GRIN2A: variants seen among roughly 807,000 people sequenced by gnomAD.
The protein encoded by GRIN2A is glutamate ionotropic receptor NMDA type subunit 2A, also known as glutamate receptor ionotropic, NMDA 2A.
In GRIN2A, 22 loss-of-function variants were observed where a neutral mutation model predicts 113.4. The observed-to-expected ratio is 0.19, with a 90% CI of 0.14 to 0.28. The LOEUF is 0.28. Among genes scored for constraint, GRIN2A ranks in the 10% least tolerant of loss-of-function variants. GRIN2A has a pLI of 1.00. For synonymous variants in GRIN2A, 827 were observed against 738.4 expected, an observed-to-expected ratio of 1.12 and a Z score of -1.94; for missense variants, 1,502 against 1,887.0, an observed-to-expected ratio of 0.80 and a Z score of 3.78.
At chr16:9,970,658 G>C (rs1474317413) in intron 2 of GRIN2A, 1 of 380,336 alleles carries the variant, frequency 2.6e-6, no homozygotes, top group African/African-American at 2.2e-5. Flanking sequence ...TTTGGTTCAA[G>C]AAATATGTAT....
intron 11 of GRIN2A, among the ~76,000 whole-genome samples, chr16:9,782,568 A>G (rs1158258964): frequency 6.6e-6 from 1 of 152,208 alleles, no homozygotes. Context: ...CAAGCCATTC[A>G]TTATATCTTA....
At chr16:10,130,240 A>C (rs934284749) in intron 2 of GRIN2A, among the ~76,000 whole-genome samples, 1 of 152,250 alleles carries the variant, frequency 6.6e-6, no homozygotes, top group African/African-American at 2.4e-5. Flanking sequence ...ATGGTAAAGC[A>C]AGCTGAATTT....
intron 2 of GRIN2A, among the ~76,000 whole-genome samples, chr16:10,164,264 A>C (rs1373717049): frequency 6.6e-6 from 1 of 152,240 alleles, no homozygotes; most frequent in Non-Finnish European, 1.5e-5. Flanking sequence ...CTCTGTACAG[A>C]ACCTTCCTTG....
At chr16:10,056,071 C>T (rs2047452821) in intron 2 of GRIN2A, among the ~76,000 whole-genome samples, 1 of 152,216 alleles carries the variant, frequency 6.6e-6, no homozygotes, top group Non-Finnish European at 1.5e-5. Flanking sequence ...TGGTAGCAGT[C>T]ATTCCAGTTA....
At position 9,840,737 on chromosome 16, in the gene GRIN2A, C is replaced by T. The variant is rs751136407; in HGVS notation, c.1561G>A (p.Val521Met). Reference protein sequence around the residue: ...SLTINEERSEVVDFSVPFVET... With the variant: ...SLTINEERSEMVDFSVPFVET... ...ACAAAGGGCACAGAGAAGTCCACCA[C>T]TTCAGAACGTTCCTCATTGATGGTG... The change falls in exon 7 of 13, where the codon GTG becomes ATG. Residue 521 changes from valine (V) to methionine (M), a missense_variant. Val to Met is a conservative substitution (Grantham distance 21). Coordinates refer to ENST00000330684, the MANE Select transcript of GRIN2A (RefSeq NM_001134407.3). 6.2e-7 allele frequency: 1 copy of T among 1,610,028 alleles called. No homozygotes were observed. The highest frequency in any genetic ancestry group is 8.5e-7 in the Non-Finnish European group (1 of 1,179,018).
chr16:9,836,764 T>C (rs1285070074), intron 7 of GRIN2A, among the ~76,000 whole-genome samples: 2 of 152,196 alleles, frequency 1.3e-5, no homozygotes, highest in Admixed American at 6.5e-5. Flanking sequence ...ACATCTATAG[T>C]GTCTAAGGAG....
At chr16:10,002,672 G>A (rs975835885) in intron 2 of GRIN2A, among the ~76,000 whole-genome samples, 2 of 152,198 alleles carry the variant, frequency 1.3e-5, no homozygotes, top group African/African-American at 4.8e-5. Context: ...ATCCCAAGGG[G>A]CAATGACTAC....
chr16:10,057,206 C>T (rs1177960529), intron 2 of GRIN2A, among the ~76,000 whole-genome samples: 3 of 152,172 alleles, frequency 2.0e-5, no homozygotes, highest in Non-Finnish European at 4.4e-5. Flanking sequence ...ACAGTAGTAG[C>T]ACGATATTAT....
chr16:9,789,280 G>A (rs896788182), intron 11 of GRIN2A, among the ~76,000 whole-genome samples: 4 of 152,072 alleles, frequency 2.6e-5, no homozygotes, highest in Admixed American at 6.6e-5. Flanking sequence ...TTTCTTGGTC[G>A]CCCTCTTCAT....
At chr16:9,943,052 T>C (rs943666465) in intron 2 of GRIN2A, 2 of 152,224 alleles carry the variant, frequency 1.3e-5, no homozygotes, top group African/African-American at 4.8e-5. Context: ...TGGCGTCCAA[T>C]ATGCCAAATA....
At chr16:10,026,371 G>T (rs907685988) in intron 2 of GRIN2A, among the ~76,000 whole-genome samples, 2 of 152,036 alleles carry the variant, frequency 1.3e-5, no homozygotes, top group East Asian at 1.9e-4. Flanking sequence ...CATGTACAGG[G>T]AATCTATTGC....
intron 2 of GRIN2A, among the ~76,000 whole-genome samples, chr16:10,152,898 G>C (rs1255550678): frequency 6.6e-6 from 1 of 152,210 alleles, no homozygotes; most frequent in African/African-American, 2.4e-5. Flanking sequence ...AAACTATGGA[G>C]ACAGTGAAAA....
intron 2 of GRIN2A, among the ~76,000 whole-genome samples, chr16:10,079,886 A>T (rs1049635228): frequency 6.6e-6 from 1 of 152,216 alleles, no homozygotes; most frequent in Non-Finnish European, 1.5e-5. Context: ...TGTGATTTTT[A>T]TGTGTTTGTA....
chr16:9,899,453 A>G (rs1449535986), intron 3 of GRIN2A, among the ~76,000 whole-genome samples: 1 of 149,340 alleles, frequency 6.7e-6, no homozygotes, highest in East Asian at 1.9e-4. Context: ...AAAAAAAAAA[A>G]AAAAAAAAAA....
intron 11 of GRIN2A, among the ~76,000 whole-genome samples, chr16:9,772,435 G>C (rs766904343): frequency 6.6e-6 from 1 of 152,136 alleles, no homozygotes; most frequent in African/African-American, 2.4e-5. Flanking sequence ...GCAGTGGTGC[G>C]ATCATAACTC....
intron 1 of GRIN2A, 193 bp downstream of exon 1, chr16:10,181,684 G>C (rs926345855): frequency 6.6e-6 from 1 of 152,450 alleles, no homozygotes; most frequent in African/African-American, 2.4e-5. Context: ...AACTCCAAGA[G>C]GCCTCGACGT....
intron 4 of GRIN2A, among the ~76,000 whole-genome samples, chr16:9,864,249 GT>G (rs71380941): frequency 6.6e-6 from 1 of 152,120 alleles, no homozygotes; most frequent in African/African-American, 2.4e-5. Flanking sequence ...ATATTAAGAA[GT>G]TTTTTTTCCC....
Position 9,984,774 on chromosome 16 carries a change from A to C in GRIN2A, c.415-46223T>G, listed in dbSNP as rs77343446. Among the ~76,000 whole-genome samples, 527 of 152,268 alleles carry C rather than the reference A, an allele frequency of 3.5e-3. 4 individuals are homozygous for C. Among genetic ancestry groups the C allele is most frequent in the African/African-American group, 0.012 (506 of 41,546 alleles). On this transcript the variant is annotated intron_variant, in intron 2 of 12. Transcript: ENST00000330684. ...AGTTGTGATTTTTATCTACATGCTC[A>C]TTTTAGAATTCATGGGGGCATCCTG...
Position 10,180,745 on chromosome 16 carries a change from C to A in GRIN2A, c.-18-316G>T. 1 of 486,254 alleles carries A rather than the reference C, an allele frequency of 2.1e-6. No homozygotes were observed. Among genetic ancestry groups the A allele is most frequent in the South Asian group, 2.1e-5 (1 of 47,502 alleles). 30.1% of individuals were successfully genotyped at this position (486,254 alleles called of 1,614,324 possible). A position where few individuals can be genotyped will look rare whatever the true frequency, so the allele number is the denominator to read the frequency against. On this transcript the variant is annotated intron_variant, in intron 1 of 12. Transcript: ENST00000330684. This position sits in a 1 kb window ranked among gnomAD's most constrained non-coding sequence, Gnocchi z 7.0. ...TATCCCCCACCGCATTCCCCAAGTTCGCCGCGGGCCACAGACCCTAAGCGC... is the reference window on the plus strand; with the variant it reads ...TATCCCCCACCGCATTCCCCAAGTTAGCCGCGGGCCACAGACCCTAAGCGC...
Sources: allele counts gnomAD v4.1 joint callset (sites outside exome capture counted in the v4.1 genomes callset), GRCh38; gene constraint gnomAD v4.1.1; non-coding constraint Gnocchi (gnomAD v3.1); transcripts MANE v1.5; gene names NCBI Gene and HGNC (gene_info 2026-07-23, HGNC 2026-07-21).